The following MITF variants were observed in gnomAD, a reference collection of about 807,000 sequenced individuals.
MITF encodes the protein microphthalmia-associated transcription factor.
Under a neutral mutation model 60.5 loss-of-function variants are expected in MITF, and 17 were observed. The observed-to-expected ratio is 0.28, with a 90% CI of 0.19 to 0.42. The LOEUF is 0.42. MITF is among the 10% of genes least tolerant of loss of function. The pLI, the probability that MITF is intolerant of heterozygous loss-of-function variation, is 1.00. For missense variants in MITF, 622 were observed against 683.5 expected, an observed-to-expected ratio of 0.91 and a Z score of 1.00; for synonymous variants, 260 against 248.5, an observed-to-expected ratio of 1.05 and a Z score of -0.43.
intron 1 of MITF, among the ~76,000 whole-genome samples, chr3:69,805,206 C>T (rs1367324780): frequency 1.3e-5 from 2 of 152,072 alleles, no homozygotes; most frequent in Non-Finnish European, 2.9e-5. Flanking sequence ...CCACGTGTTT[C>T]TTAACCTCCT....
chr3:69,919,543 T>C lies in MITF; in HGVS notation c.355-18279T>C, dbSNP rs192122086. Among the ~76,000 whole-genome samples the C allele has an allele frequency of 3.4e-4, 52 of 152,320 alleles. No individual in the cohort carries two copies. In the East Asian group the frequency reaches 9.2e-3, roughly 27 times the overall value. Reference sequence around the variant, plus strand: ...TTGTGCATGTATGTGCATGTGTGTGTATATATCTAAAAACTATACTTTTTC... The same window carrying C: ...TTGTGCATGTATGTGCATGTGTGTGCATATATCTAAAAACTATACTTTTTC... On this transcript the variant is annotated intron_variant, in intron 2 of 9. Coordinates refer to ENST00000352241, the MANE Select transcript of MITF (RefSeq NM_001354604.2).
intron 5 of MITF, among the ~76,000 whole-genome samples, chr3:69,942,308 C>T (rs190635100): frequency 1.3e-3 from 200 of 152,106 alleles, no homozygotes; most frequent in African/African-American, 2.5e-3. Flanking sequence ...TTGGTTAAGA[C>T]GGCAAATTTT....
chr3:69,772,230 AC>A lies in MITF; in HGVS notation c.104+32532del, dbSNP rs557653198. On this transcript the variant is annotated intron_variant, in intron 1 of 9. Coordinates refer to ENST00000352241, the MANE Select transcript of MITF (RefSeq NM_001354604.2). ...CAAATATTATGTAGTTTTAATATCT[AC>A]CCTTGGTTCCTACTGCCTTATTTTT... is the stretch of plus-strand genomic sequence containing the variant. Among the ~76,000 whole-genome samples, 465 of 152,156 alleles carry A rather than the reference AC, an allele frequency of 3.1e-3. 2 individuals carry two copies. The highest frequency in any genetic ancestry group is 0.01 in the Middle Eastern group (3 of 294).
chr3:69,853,534 G>A (rs1378576074), intron 1 of MITF, among the ~76,000 whole-genome samples: 2 of 151,900 alleles, frequency 1.3e-5, no homozygotes, highest in Non-Finnish European at 2.9e-5. Flanking sequence ...GAATAACCAT[G>A]TGCCCACCAT....
At chr3:69,804,033 G>A (rs536645104) in intron 1 of MITF, among the ~76,000 whole-genome samples, 13 of 151,974 alleles carry the variant, frequency 8.6e-5, no homozygotes, top group Non-Finnish European at 1.3e-4. Context: ...AAGAACTTGC[G>A]GTTGAACACC....
intron 1 of MITF, among the ~76,000 whole-genome samples, chr3:69,759,358 A>G (rs1355581371): frequency 1.3e-5 from 2 of 152,206 alleles, no homozygotes; most frequent in East Asian, 3.9e-4. Context: ...AAAACACACA[A>G]AAGTGCAAAA....
chr3:69,939,271 T>C, intron 4 of MITF, 90 bp downstream of exon 4: 2 of 1,168,426 alleles, frequency 1.7e-6, no homozygotes, highest in South Asian at 2.8e-5. Flanking sequence ...AACTTAAGCA[T>C]TTTTTTCCCC....
chr3:69,771,929 T>C (rs1344361040), intron 1 of MITF, among the ~76,000 whole-genome samples: 1 of 152,168 alleles, frequency 6.6e-6, no homozygotes, highest in Non-Finnish European at 1.5e-5. Context: ...TCCATTTATG[T>C]GTGTGTTGGG....
intron 5 of MITF, 24 bp from the exon 6 acceptor site, chr3:69,949,027 C>A: frequency 6.7e-7 from 1 of 1,503,130 alleles, no homozygotes; most frequent in South Asian, 1.1e-5. Context: ...CAGTTAATTT[C>A]TGTTACTGTT....
intron 7 of MITF, among the ~76,000 whole-genome samples, chr3:69,956,245 C>T (rs929321292): frequency 1.3e-5 from 2 of 152,050 alleles, no homozygotes; most frequent in African/African-American, 4.8e-5. Flanking sequence ...AATGAGAAAT[C>T]GTCTGTATCT....
At chr3:69,899,231 G>A (rs146998288) in intron 2 of MITF, among the ~76,000 whole-genome samples, 3 of 152,330 alleles carry the variant, frequency 2.0e-5, no homozygotes, top group Non-Finnish European at 4.4e-5. Flanking sequence ...AGACCCTGCA[G>A]TGTCAGAGAG....
intron 1 of MITF, among the ~76,000 whole-genome samples, chr3:69,821,609 A>T (rs1529584): frequency 0.33 from 49,970 of 149,564 alleles, 9,367 homozygotes; most frequent in Non-Finnish European, 0.42. Flanking sequence ...ACCTAGATTT[A>T]AAAAAAACTC....
chr3:69,829,194 TA>T (rs1458191452), intron 1 of MITF, among the ~76,000 whole-genome samples: 1 of 152,220 alleles, frequency 6.6e-6, no homozygotes, highest in East Asian at 1.9e-4. Flanking sequence ...AATTCACTTT[TA>T]TATAGTCTAT....
At chr3:69,790,357 A>T (rs570064223) in intron 1 of MITF, among the ~76,000 whole-genome samples, 44 of 152,276 alleles carry the variant, frequency 2.9e-4, no homozygotes, top group Non-Finnish European at 5.3e-4. Flanking sequence ...TTGGTATTTA[A>T]TGGGTATAGA....
rs1038868097 is a variant in MITF at position 69,739,640 on chromosome 3, G to C, written c.43G>C (p.Glu15Gln). The C allele has an allele frequency of 5.7e-6, 9 of 1,584,456 alleles. No individual in the cohort carries two copies. The highest frequency in any genetic ancestry group is 6.0e-6 in the Non-Finnish European group (7 of 1,163,812). The change falls in exon 1 of 10, where the codon GAG becomes CAG. Residue 15 changes from glutamate (E) to glutamine (Q), a missense_variant. Glu to Gln is a conservative substitution (Grantham distance 29). Coordinates refer to ENST00000352241, the MANE Select transcript of MITF (RefSeq NM_001354604.2). ...SGIVPDFEVG[E>Q]EFHEEPKTYY... ...GATCGTGCCGGATTTCGAAGTCGGG[G>C]AGGAGTTTCATGAAGAGCCCAAAAC...
chr3:69,747,826 G>T (rs540196053), intron 1 of MITF, among the ~76,000 whole-genome samples: 1 of 152,264 alleles, frequency 6.6e-6, no homozygotes, highest in Non-Finnish European at 1.5e-5. Flanking sequence ...GACTGTTGTT[G>T]TCCTGAGATA....
At chr3:69,854,657 C>T (rs1279526431) in intron 1 of MITF, among the ~76,000 whole-genome samples, 1 of 152,082 alleles carries the variant, frequency 6.6e-6, no homozygotes, top group African/African-American at 2.4e-5. Flanking sequence ...GCTTATTGTA[C>T]AATAGAGTTT....
At chr3:69,842,174 T>A (rs1444815784) in intron 1 of MITF, among the ~76,000 whole-genome samples, 1 of 152,228 alleles carries the variant, frequency 6.6e-6, no homozygotes, top group East Asian at 1.9e-4. Flanking sequence ...CCAAGTATAG[T>A]CAGTTCTGCT....
chr3:69,893,584 C>G (rs1308732547), intron 2 of MITF, among the ~76,000 whole-genome samples: 1 of 152,056 alleles, frequency 6.6e-6, no homozygotes, highest in Admixed American at 6.6e-5. Context: ...GACACACAGT[C>G]CACAGTAATT....
Sources: allele counts gnomAD v4.1 joint callset (sites outside exome capture counted in the v4.1 genomes callset), GRCh38; gene constraint gnomAD v4.1.1; transcripts MANE v1.5; gene names NCBI Gene and HGNC (gene_info 2026-07-23, HGNC 2026-07-21).